The following GABRB2 variants were observed in gnomAD, a reference collection of about 807,000 sequenced individuals.
The protein encoded by GABRB2 is gamma-aminobutyric acid type A receptor subunit beta2.
A neutral mutation model predicts 54.7 loss-of-function variants in GABRB2; 16 were observed. The observed-to-expected ratio is 0.29, with a 90% CI of 0.20 to 0.44. The LOEUF (loss-of-function observed/expected upper bound fraction) is 0.44, where lower values mean the gene tolerates loss of function less well. Among genes scored for constraint, GABRB2 ranks in the 20% least tolerant of loss-of-function variants. The pLI is 1.00. For missense variants in GABRB2, 355 were observed against 644.0 expected (o/e 0.55, Z 4.86); for synonymous variants, 244 against 233.8 (o/e 1.04, Z -0.40).
intron 5 of GABRB2, among the ~76,000 whole-genome samples, chr5:161,369,510 G>GA (rs1271507960): frequency 6.7e-6 from 1 of 149,550 alleles, no homozygotes; most frequent in Admixed American, 6.7e-5. Context: ...CTTTCTCAGA[G>GA]AAAGAGAGAG....
chr5:161,340,344 C>T (rs1003565586), intron 5 of GABRB2, among the ~76,000 whole-genome samples: 14 of 152,044 alleles, frequency 9.2e-5, no homozygotes, highest in Admixed American at 4.6e-4. Flanking sequence ...ATTTAATGCA[C>T]ATGTGACTTT....
At chr5:161,379,290 A>T (rs531897170) in intron 5 of GABRB2, among the ~76,000 whole-genome samples, 187 of 152,234 alleles carry the variant, frequency 1.2e-3, no homozygotes, top group African/African-American at 4.3e-3. Flanking sequence ...GTGGACATTG[A>T]TACTCATTTT....
intron 5 of GABRB2, among the ~76,000 whole-genome samples, chr5:161,347,503 C>T (rs1186995211): frequency 6.6e-6 from 1 of 152,026 alleles, no homozygotes; most frequent in East Asian, 1.9e-4. Context: ...TGTGAGCTGC[C>T]CTTGCTACTT....
intron 3 of GABRB2, among the ~76,000 whole-genome samples, chr5:161,508,206 C>T (rs964251919): frequency 6.6e-6 from 1 of 151,232 alleles, no homozygotes; most frequent in Non-Finnish European, 1.5e-5. Flanking sequence ...CTCTACCTAG[C>T]TACATGTGCT....
chr5:161,531,233 G>A (rs1760451088), intron 3 of GABRB2, among the ~76,000 whole-genome samples: 1 of 152,028 alleles, frequency 6.6e-6, no homozygotes, highest in African/African-American at 2.4e-5. Flanking sequence ...TTAGTTTATG[G>A]CATTCTTTAA....
At chr5:161,379,369 T>A (rs1755399869) in intron 5 of GABRB2, among the ~76,000 whole-genome samples, 1 of 152,140 alleles carries the variant, frequency 6.6e-6, no homozygotes, top group Non-Finnish European at 1.5e-5. Flanking sequence ...TACTACAGGA[T>A]GTGTGTGAGT....
intron 3 of GABRB2, among the ~76,000 whole-genome samples, chr5:161,544,411 C>T (rs1017884733): frequency 6.6e-6 from 1 of 152,132 alleles, no homozygotes; most frequent in Non-Finnish European, 1.5e-5. Flanking sequence ...GTCTGGGACG[C>T]TTGTCATCGC....
At chr5:161,351,602 G>T (rs1161996153) in intron 5 of GABRB2, among the ~76,000 whole-genome samples, 1 of 152,010 alleles carries the variant, frequency 6.6e-6, no homozygotes, top group African/African-American at 2.4e-5. Context: ...ACTACTAGAA[G>T]AAAACAAAGC....
chr5:161,450,237 G>C (rs750923082), intron 4 of GABRB2, among the ~76,000 whole-genome samples: 1 of 151,936 alleles, frequency 6.6e-6, no homozygotes, highest in Admixed American at 6.6e-5. Context: ...CTTTCATTCC[G>C]TTGAAATCAA....
chr5:161,392,120 C>A (rs1001987297), intron 5 of GABRB2, among the ~76,000 whole-genome samples: 2 of 152,120 alleles, frequency 1.3e-5, no homozygotes, highest in Non-Finnish European at 2.9e-5. Context: ...CTCATCATGG[C>A]CCCTGTGTTC....
intron 3 of GABRB2, among the ~76,000 whole-genome samples, chr5:161,475,620 G>C (rs1056669470): frequency 6.6e-6 from 1 of 151,842 alleles, no homozygotes; most frequent in Non-Finnish European, 1.5e-5. Context: ...ATCATAACAA[G>C]TAGAATTTAT....
intron 3 of GABRB2, among the ~76,000 whole-genome samples, chr5:161,508,725 C>G (rs1759678835): frequency 6.6e-6 from 1 of 151,942 alleles, no homozygotes; most frequent in Non-Finnish European, 1.5e-5. Context: ...GCAGTTGTCT[C>G]GATAAGAGGA....
chr5:161,536,641 G>A (rs557961754), intron 3 of GABRB2, among the ~76,000 whole-genome samples: 1 of 152,280 alleles, frequency 6.6e-6, no homozygotes, highest in Admixed American at 6.5e-5. Context: ...CTGTCGCCCA[G>A]GCTGGAGTGC....
At chr5:161,459,170 C>T (rs930862148) in intron 4 of GABRB2, 3 of 168,848 alleles carry the variant, frequency 1.8e-5, no homozygotes, top group African/African-American at 7.2e-5. Flanking sequence ...TATTTATTTG[C>T]AAGTCTGATT....
intron 5 of GABRB2, among the ~76,000 whole-genome samples, chr5:161,392,351 A>C (rs1248110203): frequency 1.3e-5 from 2 of 152,238 alleles, no homozygotes; most frequent in African/African-American, 2.4e-5. Flanking sequence ...TAAGTAAACA[A>C]GAATAATAAT....
At chr5:161,295,817 T>C in intron 9 of GABRB2, among the ~76,000 whole-genome samples, 1 of 152,238 alleles carries the variant, frequency 6.6e-6, no homozygotes, top group East Asian at 1.9e-4. Flanking sequence ...ATGTTTACTT[T>C]ATGGTATCAT....
intron 5 of GABRB2, among the ~76,000 whole-genome samples, chr5:161,348,910 A>G (rs953513969): frequency 1.1e-4 from 17 of 152,204 alleles, no homozygotes; most frequent in African/African-American, 4.1e-4. Flanking sequence ...ATGCATTTGT[A>G]TATAATTGAA....
chr5:161,509,173 C>T (rs1252327510), intron 3 of GABRB2, among the ~76,000 whole-genome samples: 1 of 151,874 alleles, frequency 6.6e-6, no homozygotes, highest in Non-Finnish European at 1.5e-5. Context: ...TAAAGCATCC[C>T]AACAACCAGT....
intron 5 of GABRB2, among the ~76,000 whole-genome samples, chr5:161,358,416 T>TA (rs993285726): frequency 9.9e-4 from 145 of 146,894 alleles, no homozygotes; most frequent in African/African-American, 2.5e-3. Context: ...GTAATTTTGC[T>TA]AAAAAAAAAA....
Sources: gnomAD v4.1 joint callset for allele counts (sites outside exome capture counted in the v4.1 genomes callset) on GRCh38, gnomAD v4.1.1 for gene constraint, MANE v1.5 for transcripts, NCBI Gene and HGNC (gene_info 2026-07-23, HGNC 2026-07-21) for gene names.